The following RASGRP4 variants were observed in gnomAD, a reference collection of about 807,000 sequenced individuals.
RASGRP4 encodes RAS guanyl-releasing protein 4.
A neutral mutation model predicts 84.4 loss-of-function variants in RASGRP4; 52 were observed. The ratio of observed to expected loss-of-function variants is 0.62; its 90% CI spans 0.49 to 0.78. RASGRP4 has a LOEUF of 0.78. Ranked by LOEUF, RASGRP4 falls within the 30% of genes least tolerant of loss-of-function variation. RASGRP4 has a pLI of 0.00. For missense variants in RASGRP4, 760 were observed against 886.9 expected (o/e 0.86, Z 1.82); for synonymous variants, 356 against 359.1 (o/e 0.99, Z 0.10).
chr19:38,420,694 G>A (rs1164609640), intron 4 of RASGRP4, among the ~76,000 whole-genome samples: 1 of 149,600 alleles, frequency 6.7e-6, no homozygotes, highest in African/African-American at 2.5e-5. Context: ...GATCTGGTTG[G>A]TGAGGGGGGT....
At position 38,410,967 on chromosome 19, in the gene RASGRP4, G is replaced by T. The variant is rs749778728; in HGVS notation, c.1884C>A (p.Ser628=). The T allele has an allele frequency of 1.0e-5, 16 of 1,602,166 alleles. No individual in the cohort carries two copies. In the East Asian group the frequency reaches 2.7e-4, roughly 27 times the overall value. ...GSEENHSYTL[S]LEPETGCQLR... ...GCTGGCACCCAGTCTCAGGCTCCAG[G>T]GATAGCGTGTAGGAGTGATTTTCCT... The change falls in exon 16 of 17, where the codon TCC becomes TCA. Residue 628 remains serine, a synonymous_variant. Coordinates refer to ENST00000615439, the MANE Select transcript of RASGRP4 (RefSeq NM_170604.3).
Position 38,413,554 on chromosome 19 carries a change from C to A in RASGRP4, c.1231-80G>T. ...CCCACACCCACTCGCAGGCTCTTCC[C>A]AAAGCCCCTCCTGGGTTCAAATCCT... is the stretch of plus-strand genomic sequence containing the variant. On this transcript the variant is annotated intron_variant, in intron 9 of 16. Coordinates refer to ENST00000615439, the MANE Select transcript of RASGRP4 (RefSeq NM_170604.3). The surrounding 1 kb of genome is among the most constrained non-coding windows in gnomAD (Gnocchi z 4.7). The A allele has an allele frequency of 8.3e-7, 1 of 1,204,446 alleles. No individual in the cohort carries two copies. Among genetic ancestry groups the A allele is most frequent in the South Asian group, 1.3e-5 (1 of 75,062 alleles). 74.6% of individuals were successfully genotyped at this position (1,204,446 alleles called of 1,614,324 possible).
chr19:38,410,002 G>A lies in RASGRP4; in HGVS notation c.*38C>T, dbSNP rs1370708819. ...TGACGGCAGGACTCAGGACTGACTG[G>A]GGGAAGGGAGTGAGGAAGAGAGGAG... On this transcript the variant is annotated 3_prime_UTR_variant, in exon 17 of 17. Coordinates refer to ENST00000615439, the MANE Select transcript of RASGRP4 (RefSeq NM_170604.3). 1.3e-6 allele frequency: 2 copies of A among 1,572,558 alleles called. No individual in the cohort carries two copies. The highest frequency in any genetic ancestry group is 8.7e-7 in the Non-Finnish European group (1 of 1,149,434).
chr19:38,424,625 G>T lies in RASGRP4; in HGVS notation c.23+1444C>A, dbSNP rs575063376. ...TTTGGGTGTGTGTCAATGGGGGGGG[G>T]GGTCTCACTATATTTCTCAGGCTGG... On this transcript the variant is annotated intron_variant, in intron 1 of 16. Transcript: ENST00000615439. Among the ~76,000 whole-genome samples, 93 of 141,958 alleles carry T rather than the reference G, an allele frequency of 6.6e-4. 3 individuals are homozygous for T. The highest frequency in any genetic ancestry group is 8.3e-4 in the Non-Finnish European group (54 of 64,742). 93.1% of individuals were successfully genotyped at this position (141,958 alleles called of 152,430 possible). A position where few individuals can be genotyped will look rare whatever the true frequency, so the allele number is the denominator to read the frequency against.
chr19:38,420,404 G>T (rs1395247084), intron 4 of RASGRP4, 142 bp from the exon 5 acceptor site: 1 of 854,270 alleles, frequency 1.2e-6, no homozygotes, highest in Non-Finnish European at 1.8e-6. Context: ...TTGGGGTTTG[G>T]AGGGGCACCA....
At chr19:38,423,883 C>T (rs1971871142) in intron 1 of RASGRP4, among the ~76,000 whole-genome samples, 1 of 152,034 alleles carries the variant, frequency 6.6e-6, no homozygotes, top group Admixed American at 6.6e-5. Flanking sequence ...ATAATTCTCC[C>T]TCTGCCTGGT....
intron 8 of RASGRP4, among the ~76,000 whole-genome samples, chr19:38,416,054 G>A (rs1600559439): frequency 6.6e-6 from 1 of 151,146 alleles, no homozygotes; most frequent in African/African-American, 2.4e-5. Context: ...GTGAGACTCT[G>A]TCTCAAAAAA....
chr19:38,411,319 C>T (rs1173509636), intron 14 of RASGRP4, 26 bp downstream of exon 14: 1 of 1,608,798 alleles, frequency 6.2e-7, no homozygotes, highest in Non-Finnish European at 8.5e-7. Flanking sequence ...CAAGGCTTCC[C>T]TCCCACTCAC....
chr19:38,421,914 C>T (rs758366333), intron 2 of RASGRP4, 55 bp downstream of exon 2: 78 of 1,501,058 alleles, frequency 5.2e-5, no homozygotes, highest in Non-Finnish European at 5.9e-5. Context: ...TGGAGAGAAG[C>T]GAGTGCTGAG....
chr19:38,420,486 G>A (rs762989690), intron 4 of RASGRP4, among the ~76,000 whole-genome samples: 9 of 151,784 alleles, frequency 5.9e-5, no homozygotes, highest in African/African-American at 1.7e-4. Flanking sequence ...GAAACAGACC[G>A]GGGAGTCACT....
At position 38,413,381 on chromosome 19, in the gene RASGRP4, G is replaced by A; in HGVS notation, c.1311+13C>T. 1 of 1,608,784 alleles carries A rather than the reference G, an allele frequency of 6.2e-7. No homozygotes were observed. The highest frequency in any genetic ancestry group is 8.5e-7 in the Non-Finnish European group (1 of 1,177,302). ...GTAATTGGGGGAGTCCGAGGCCAGGGGTTGGGTCTCACCAGGCTCTTGGGA... is the reference window on the plus strand; with the variant it reads ...GTAATTGGGGGAGTCCGAGGCCAGGAGTTGGGTCTCACCAGGCTCTTGGGA... On this transcript the variant is annotated intron_variant, in intron 10 of 16. Transcript: ENST00000615439. This position sits in a 1 kb window ranked among gnomAD's most constrained non-coding sequence, Gnocchi z 4.7.
At position 38,421,079 on chromosome 19, in the gene RASGRP4, C is replaced by G. The variant is rs2145232376; in HGVS notation, c.314+16G>C. The stretch of plus-strand genomic sequence containing the variant: ...CCCTCTGCCCTCCACCCATAGCTCA[C>G]AGTCCTGGAGGATATGAGGTCAGCA... On this transcript the variant is annotated intron_variant, in intron 3 of 16. Coordinates refer to ENST00000615439, the MANE Select transcript of RASGRP4 (RefSeq NM_170604.3). 1 of 1,611,496 alleles carries G rather than the reference C, an allele frequency of 6.2e-7. No homozygotes were observed. Among genetic ancestry groups the G allele is most frequent in the Admixed American group, 1.7e-5 (1 of 60,004 alleles).
In RASGRP4 at chr19:38,414,301, T is replaced by C. The variant is rs57361474; in HGVS notation, c.1230+547A>G. Among the ~76,000 whole-genome samples the C allele has an allele frequency of 8.8e-3, 1,331 of 151,926 alleles. 13 individuals are homozygous for C. The highest frequency in any genetic ancestry group is 0.034 in the East Asian group (175 of 5,130). ...CAACCACCCTCTGAAGTGGGTCCTTTTATTTTATTTTATTTTTATTTATTT... is the reference window on the plus strand; with the variant it reads ...CAACCACCCTCTGAAGTGGGTCCTTCTATTTTATTTTATTTTTATTTATTT... On this transcript the variant is annotated intron_variant, in intron 9 of 16. Coordinates refer to ENST00000615439, the MANE Select transcript of RASGRP4 (RefSeq NM_170604.3).
intron 1 of RASGRP4, among the ~76,000 whole-genome samples, chr19:38,424,610 TG>T (rs1971907408): frequency 8.6e-6 from 1 of 116,880 alleles, no homozygotes; most frequent in African/African-American, 3.1e-5. Context: ...TTTGGGTGTG[TG>T]TCAATGGGGG....
chr19:38,414,848 C>T lies in RASGRP4; in HGVS notation c.1230G>A (p.Thr410=), dbSNP rs764552978. ...SANEDLLHLL[T]LSLDLFYTED... is the part of the protein sequence containing the mutation. ...CCTGGGCGGGGCCAGGGGGGCTCAC[C>T]GTGAGCAGGTGCAGCAGATCCTCAT... Residue 410 remains threonine, a splice_region_variant and synonymous_variant, in exon 9 of 17, where the codon ACG becomes ACA. Transcript: ENST00000615439. 1.2e-5 allele frequency: 19 copies of T among 1,585,352 alleles called. No individual in the cohort carries two copies. Among genetic ancestry groups the T allele is most frequent in the South Asian group, 8.0e-5 (7 of 87,546 alleles).
chr19:38,422,541 ACT>A (rs747421576), intron 1 of RASGRP4, among the ~76,000 whole-genome samples: 3 of 151,372 alleles, frequency 2.0e-5, no homozygotes, highest in Non-Finnish European at 4.4e-5. Context: ...GGGGCATTAG[ACT>A]CTCTTAGGAG....
At chr19:38,416,578 G>A (rs565507815) in intron 8 of RASGRP4, among the ~76,000 whole-genome samples, 1 of 151,404 alleles carries the variant, frequency 6.6e-6, no homozygotes, top group African/African-American at 2.4e-5. Context: ...CTCCCAAAAC[G>A]CTGGGATTAC....
intron 8 of RASGRP4, among the ~76,000 whole-genome samples, chr19:38,416,001 G>C (rs1350691718): frequency 1.3e-5 from 2 of 151,494 alleles, no homozygotes; most frequent in Non-Finnish European, 2.9e-5. Flanking sequence ...GGAGGCTTCA[G>C]TGAGCCAAGA....
Position 38,412,856 on chromosome 19 carries a change from C to T in RASGRP4, c.1536-40G>A, listed in dbSNP as rs376548130. On this transcript the variant is annotated intron_variant, in intron 12 of 16. Transcript: ENST00000615439. The surrounding 1 kb of genome is among the most constrained non-coding windows in gnomAD (Gnocchi z 4.6). ...TGAGCCTCAGCATGACCTGCCCCAA[C>T]GTCCTCCAGACCCAGGAGTCCAGGC... 1.3e-5 allele frequency: 21 copies of T among 1,611,642 alleles called. No homozygotes were observed. The highest frequency in any genetic ancestry group is 1.6e-5 in the Non-Finnish European group (19 of 1,178,578).
Sources: gnomAD v4.1 joint callset for allele counts (sites outside exome capture counted in the v4.1 genomes callset) on GRCh38, gnomAD v4.1.1 for gene constraint, Gnocchi (gnomAD v3.1) non-coding constraint, MANE v1.5 for transcripts, NCBI Gene and HGNC (gene_info 2026-07-23, HGNC 2026-07-21) for gene names.